The following CLVS1 variants were observed in gnomAD, a reference collection of about 807,000 sequenced individuals.
CLVS1 encodes the protein clavesin-1.
A neutral mutation model predicts 33.1 loss-of-function variants in CLVS1; 10 were observed. The observed-to-expected ratio is 0.30, with a 90% CI of 0.19 to 0.51. The LOEUF is 0.51. CLVS1 is among the 20% of genes least tolerant of loss of function. CLVS1 has a pLI of 0.97. For missense variants in CLVS1, 343 were observed against 433.4 expected (o/e 0.79, Z 1.85); for synonymous variants, 163 against 166.1 (o/e 0.98, Z 0.14).
At chr8:61,323,584 C>T (rs1337071242) in intron 2 of CLVS1, among the ~76,000 whole-genome samples, 2 of 152,062 alleles carry the variant, frequency 1.3e-5, no homozygotes, top group Non-Finnish European at 2.9e-5. Flanking sequence ...GCTCAAAGGC[C>T]ATGTTTTGCA....
chr8:61,363,230 G>T (rs905211090), intron 2 of CLVS1, among the ~76,000 whole-genome samples: 3 of 152,160 alleles, frequency 2.0e-5, no homozygotes, highest in African/African-American at 7.2e-5. Flanking sequence ...TCCTTCTCCA[G>T]CAAAATCCTA....
intron 2 of CLVS1, among the ~76,000 whole-genome samples, chr8:61,301,763 G>A (rs1303940211): frequency 1.3e-5 from 2 of 152,116 alleles, no homozygotes; most frequent in Admixed American, 6.5e-5. Context: ...GTCTTAACCC[G>A]ACTTCATTGT....
chr8:61,158,889 G>A (rs1806698729), intron 2 of CLVS1, among the ~76,000 whole-genome samples: 1 of 152,118 alleles, frequency 6.6e-6, no homozygotes, highest in African/African-American at 2.4e-5. Context: ...CCAGGTTGCA[G>A]TACAGTGGCT....
Position 61,339,353 on chromosome 8 carries a change from G to A in CLVS1, c.456-37252G>A, listed in dbSNP as rs1811929289. Among the ~76,000 whole-genome samples the A allele has an allele frequency of 2.0e-5, 3 of 152,138 alleles. No individual in the cohort carries two copies. In the South Asian group the frequency reaches 6.2e-4, roughly 32 times the overall value. ...CTCAAGGCAGAGGTCTAGGAGTCAG[G>A]TTTTAATACGCTTGGAATTTTGCTT... On this transcript the variant is annotated intron_variant, in intron 2 of 5. Coordinates refer to ENST00000325897, the MANE Select transcript of CLVS1 (RefSeq NM_173519.3).
intron 2 of CLVS1, among the ~76,000 whole-genome samples, chr8:61,346,813 T>C (rs1234526902): frequency 1.3e-5 from 2 of 152,106 alleles, no homozygotes; most frequent in Non-Finnish European, 2.9e-5. Context: ...TAAGCACAAA[T>C]GTGATCAATG....
At chr8:61,094,390 C>T (rs1805310736) in intron 1 of CLVS1, among the ~76,000 whole-genome samples, 1 of 152,186 alleles carries the variant, frequency 6.6e-6, no homozygotes, top group South Asian at 2.1e-4. Context: ...AGCTAGGAAT[C>T]CCTGAGCTCT....
intron 3 of CLVS1, among the ~76,000 whole-genome samples, chr8:61,428,344 T>G (rs1374464099): frequency 6.6e-6 from 1 of 152,188 alleles, no homozygotes; most frequent in Non-Finnish European, 1.5e-5. Flanking sequence ...TGTGTGTATG[T>G]GTGTGTGTAA....
At chr8:61,086,082 C>T (rs796480029) in intron 1 of CLVS1, among the ~76,000 whole-genome samples, 114 of 111,918 alleles carry the variant, frequency 1.0e-3, no homozygotes, top group African/African-American at 3.7e-3. Flanking sequence ...AAAAAATTAG[C>T]TTGTTGTGGT....
chr8:60,977,210 G>A, the CLVS1 span, among the ~76,000 whole-genome samples: 3 of 152,196 alleles, frequency 2.0e-5, no homozygotes, highest in African/African-American at 7.2e-5. Context: ...TGAGATGTGG[G>A]AGAATTAAAT....
At chr8:61,466,235 T>C (rs1015791964) in intron 5 of CLVS1, among the ~76,000 whole-genome samples, 3 of 152,232 alleles carry the variant, frequency 2.0e-5, no homozygotes, top group Non-Finnish European at 4.4e-5. Flanking sequence ...GGAAAATGCA[T>C]TATTTCACAG....
intron 1 of CLVS1, among the ~76,000 whole-genome samples, chr8:61,120,663 G>A (rs996060144): frequency 2.2e-4 from 30 of 137,138 alleles, no homozygotes; most frequent in South Asian, 1.3e-3. Flanking sequence ...CTGCTGGGGG[G>A]TGCCTCCCAG....
At chr8:60,994,876 G>A in the CLVS1 span, among the ~76,000 whole-genome samples, 1 of 151,928 alleles carries the variant, frequency 6.6e-6, no homozygotes, top group Non-Finnish European at 1.5e-5. Flanking sequence ...ACAACTATCT[G>A]ATCTTTGACA....
chr8:61,385,275 T>G (rs1489957403), intron 3 of CLVS1, among the ~76,000 whole-genome samples: 1 of 152,214 alleles, frequency 6.6e-6, no homozygotes, highest in Non-Finnish European at 1.5e-5. Flanking sequence ...AGAAGAGATC[T>G]CTGCCTCTCA....
chr8:61,221,687 T>C (rs1026706804), intron 2 of CLVS1, among the ~76,000 whole-genome samples: 16 of 152,232 alleles, frequency 1.1e-4, no homozygotes, highest in African/African-American at 3.9e-4. Flanking sequence ...ATCAGGATGA[T>C]GCTGGCTTCA....
intron 5 of CLVS1, among the ~76,000 whole-genome samples, chr8:61,481,392 A>G (rs10481232): frequency 0.57 from 85,982 of 150,838 alleles, 27,879 homozygotes; most frequent in Non-Finnish European, 0.72. Context: ...CACAGAATAG[A>G]GTGGGGCATC....
chr8:61,022,330 A>T, the CLVS1 span, among the ~76,000 whole-genome samples: 887 of 152,242 alleles, frequency 5.8e-3, 10 homozygotes, highest in African/African-American at 0.02. Context: ...TCATTTTGGG[A>T]GCTGGTATAG....
chr8:61,008,637 T>C, the CLVS1 span, among the ~76,000 whole-genome samples: 2,100 of 152,170 alleles, frequency 0.014, 47 homozygotes, highest in African/African-American at 0.048. Context: ...CAGGCGGGCA[T>C]TCACTTTTAA....
chr8:61,034,951 C>T, the CLVS1 span, among the ~76,000 whole-genome samples: 1 of 152,120 alleles, frequency 6.6e-6, no homozygotes, highest in Non-Finnish European at 1.5e-5. Flanking sequence ...CAACTGGGGC[C>T]TAATCCTTTA....
chr8:61,239,597 A>G (rs1233223689), intron 2 of CLVS1, among the ~76,000 whole-genome samples: 2 of 152,056 alleles, frequency 1.3e-5, no homozygotes, highest in Non-Finnish European at 2.9e-5. Context: ...TTAGCTGGGC[A>G]TGGTGGCTTG....
Sources: gnomAD v4.1 joint callset for allele counts (sites outside exome capture counted in the v4.1 genomes callset) on GRCh38, gnomAD v4.1.1 for gene constraint, MANE v1.5 for transcripts, NCBI Gene and HGNC (gene_info 2026-07-23, HGNC 2026-07-21) for gene names.